TMEM209: variants seen among roughly 807,000 people sequenced by gnomAD.
TMEM209 encodes the protein testicular tissue protein Li 202.
TMEM209 carries 65 observed loss-of-function variants against 76.2 expected under a neutral mutation model. The ratio of observed to expected loss-of-function variants is 0.85; its 90% CI spans 0.70 to 1.05. TMEM209 has a LOEUF of 1.05. TMEM209 is among the 50% of genes least tolerant of loss of function. TMEM209 has a pLI of 0.00. For synonymous variants in TMEM209, 239 were observed against 237.6 expected (o/e 1.01, Z -0.06); for missense variants, 623 against 685.5 (o/e 0.91, Z 1.02).
chr7:130,175,945 T>A (rs1456608559), intron 10 of TMEM209, among the ~76,000 whole-genome samples: 1 of 152,130 alleles, frequency 6.6e-6, no homozygotes, highest in Non-Finnish European at 1.5e-5. Context: ...GTTAGGAGAA[T>A]GTTCTTACTT....
intron 11 of TMEM209, among the ~76,000 whole-genome samples, chr7:130,174,662 CA>C (rs1287969701): frequency 8.5e-5 from 13 of 152,188 alleles, no homozygotes; most frequent in African/African-American, 3.1e-4. Flanking sequence ...TGTAAGCACA[CA>C]AAAACATTTA....
chr7:130,186,892 C>T (rs1797618337), intron 6 of TMEM209, among the ~76,000 whole-genome samples: 1 of 152,108 alleles, frequency 6.6e-6, no homozygotes, highest in South Asian at 2.1e-4. Flanking sequence ...ACACAGGAAA[C>T]CAGACAACCT....
chr7:130,185,346 G>A lies in TMEM209; in HGVS notation c.797C>T (p.Pro266Leu), dbSNP rs1797562659. The A allele has an allele frequency of 6.2e-7, 1 of 1,613,726 alleles. No individual in the cohort carries two copies. The highest frequency in any genetic ancestry group is 1.3e-5 in the African/African-American group (1 of 75,036). Residue 266 changes from proline to leucine, a missense_variant, in exon 7 of 15, where the codon CCT becomes CTT. By Grantham distance (98) the Pro-to-Leu change is moderately conservative. Transcript: ENST00000397622. ...GTTCCAGAAAGTAGGACTGCTGGAAGGAGAGGTAGAATCTGGGCTCCCTAC... is the reference window on the plus strand; with the variant it reads ...GTTCCAGAAAGTAGGACTGCTGGAAAGAGAGGTAGAATCTGGGCTCCCTAC... ...VKLGSPDSTSPSSSPTFWNYS... is the reference protein window; with the variant it reads ...VKLGSPDSTSLSSSPTFWNYS...
intron 6 of TMEM209, among the ~76,000 whole-genome samples, chr7:130,188,558 T>G (rs1457344105): frequency 7.5e-6 from 1 of 132,696 alleles, no homozygotes; most frequent in Non-Finnish European, 1.5e-5. Flanking sequence ...ATCACACCAC[T>G]GCACTCCAGC....
At chr7:130,174,902 A>C (rs1448448980) in intron 11 of TMEM209, among the ~76,000 whole-genome samples, 3 of 152,180 alleles carry the variant, frequency 2.0e-5, no homozygotes, top group Non-Finnish European at 2.9e-5. Flanking sequence ...AGGAGGCTGA[A>C]GTAAAAAAAA....
At chr7:130,191,201 T>TA (rs1797784007) in intron 6 of TMEM209, among the ~76,000 whole-genome samples, 1 of 151,298 alleles carries the variant, frequency 6.6e-6, no homozygotes, top group Admixed American at 6.6e-5. Flanking sequence ...TCAGACAAAA[T>TA]AGACTTTAAG....
At chr7:130,169,583 G>C (rs1584662792) in intron 14 of TMEM209, among the ~76,000 whole-genome samples, 1 of 152,166 alleles carries the variant, frequency 6.6e-6, no homozygotes, top group African/African-American at 2.4e-5. Context: ...CAAGTGTTCA[G>C]TGCCACATGG....
intron 13 of TMEM209, among the ~76,000 whole-genome samples, chr7:130,172,290 A>C (rs934643638): frequency 4.6e-5 from 7 of 152,342 alleles, no homozygotes; most frequent in Non-Finnish European, 7.3e-5. Context: ...GGACTAAAGA[A>C]ATGCAGATAG....
chr7:130,201,348 C>T (rs1276351392), intron 5 of TMEM209, among the ~76,000 whole-genome samples: 1 of 151,930 alleles, frequency 6.6e-6, no homozygotes, highest in African/African-American at 2.4e-5. Context: ...CAAAATTTCA[C>T]ATTACTGTGG....
At chr7:130,184,382 C>T in intron 7 of TMEM209, 127 bp from the exon 8 acceptor site, 1 of 619,766 alleles carries the variant, frequency 1.6e-6, no homozygotes, top group South Asian at 2.3e-5. Flanking sequence ...CATCAATATT[C>T]ATCTAATTAA....
intron 10 of TMEM209, among the ~76,000 whole-genome samples, chr7:130,177,283 G>A (rs1390612975): frequency 1.3e-5 from 2 of 151,514 alleles, no homozygotes; most frequent in Admixed American, 6.6e-5. Context: ...CCCGGGAGGT[G>A]GAGGTTGCAG....
intron 6 of TMEM209, among the ~76,000 whole-genome samples, chr7:130,191,076 C>G (rs997148661): frequency 6.6e-6 from 1 of 151,626 alleles, no homozygotes; most frequent in Non-Finnish European, 1.5e-5. Context: ...TTAATTTGCA[C>G]AAAATACTTA....
chr7:130,202,192 T>G (rs889490924), intron 4 of TMEM209, 101 bp from the exon 5 acceptor site: 78 of 1,381,420 alleles, frequency 5.6e-5, no homozygotes, highest in Non-Finnish European at 7.5e-5. Flanking sequence ...GGAAAAAAGT[T>G]AACAGAGTTA....
rs1797415231 is a variant in TMEM209, at chr7:130,181,606, G to T, written c.1120+17C>A. 2 of 1,597,658 alleles carry T rather than the reference G, an allele frequency of 1.3e-6. No individual in the cohort carries two copies. The highest frequency in any genetic ancestry group is 1.7e-5 in the Admixed American group (1 of 58,712). On this transcript the variant is annotated intron_variant, in intron 9 of 14. Transcript: ENST00000397622. ...TTTACTAATAGAAATCCAACACTGG[G>T]CTCTGTTTTCACATACCTCCTATCT...
chr7:130,187,765 T>G (rs1212032516), intron 6 of TMEM209, among the ~76,000 whole-genome samples: 2 of 152,110 alleles, frequency 1.3e-5, no homozygotes, highest in African/African-American at 4.8e-5. Flanking sequence ...ATCTCCAAGC[T>G]TAGAAATTAC....
chr7:130,185,172 C>T lies in TMEM209; in HGVS notation c.951+20G>A, dbSNP rs1187014151. 9.4e-6 allele frequency: 15 copies of T among 1,593,602 alleles called. No individual in the cohort carries two copies. Among genetic ancestry groups the T allele is most frequent in the Non-Finnish European group, 1.2e-5 (14 of 1,168,830 alleles). On this transcript the variant is annotated intron_variant, in intron 7 of 14. Coordinates refer to ENST00000397622, the MANE Select transcript of TMEM209 (RefSeq NM_032842.4). ...AATGCATAAATCATAAATATTAAGT[C>T]ACTTTTATTTTCCACTTACCTCTTC...
rs142694159 is a variant in TMEM209 at position 130,179,581 on chromosome 7, G to C, written c.1121-1054C>G. On this transcript the variant is annotated intron_variant, in intron 9 of 14. Coordinates refer to ENST00000397622, the MANE Select transcript of TMEM209 (RefSeq NM_032842.4). ...ATTAAAAATTTCAAAATATCCAACT[G>C]TACTAGCAATATCCAATGTTAGGAA... Among the ~76,000 whole-genome samples, 590 of 152,272 alleles carry C rather than the reference G, an allele frequency of 3.9e-3. 4 individuals are homozygous for C. The highest frequency in any genetic ancestry group is 0.014 in the Middle Eastern group (4 of 294).
intron 5 of TMEM209, among the ~76,000 whole-genome samples, chr7:130,201,119 A>G (rs1798183823): frequency 6.7e-6 from 1 of 149,488 alleles, no homozygotes; most frequent in African/African-American, 2.4e-5. Flanking sequence ...AAAAAAAAGA[A>G]ATATGTAAAT....
At chr7:130,188,595 C>CAAAAAAAAAAAAAAAAAA (rs10649977) in intron 6 of TMEM209, among the ~76,000 whole-genome samples, 1 of 72,704 alleles carries the variant, frequency 1.4e-5, no homozygotes, top group Non-Finnish European at 2.5e-5. Flanking sequence ...GACTCCGTAT[C>CAAAAAAAAAAAAAAAAAA]AAAAAAAAAA....
Sources: gnomAD v4.1 joint callset for allele counts (sites outside exome capture counted in the v4.1 genomes callset) on GRCh38, gnomAD v4.1.1 for gene constraint, MANE v1.5 for transcripts, NCBI Gene and HGNC (gene_info 2026-07-23, HGNC 2026-07-21) for gene names.